Variants in ITIH5 observed in about 807,000 individuals in gnomAD.
ITIH5 encodes inter-alpha-trypsin inhibitor heavy chain H5.
In ITIH5, 65 loss-of-function variants were observed where a neutral mutation model predicts 77.5. The ratio of observed to expected loss-of-function variants is 0.84; its 90% CI spans 0.69 to 1.03. ITIH5 has a LOEUF of 1.03. Among genes scored for constraint, ITIH5 ranks in the 50% least tolerant of loss-of-function variants. The pLI is 0.00. For synonymous variants in ITIH5, 525 were observed against 494.3 expected, an observed-to-expected ratio of 1.06 and a Z score of -0.82; for missense variants, 1,208 against 1,213.1, an observed-to-expected ratio of 1.00 and a Z score of 0.06.
rs953981488 is a variant in ITIH5 at position 7,565,569 on chromosome 10, C to T, written c.2527+461G>A. 1.9e-4 allele frequency among the ~76,000 whole-genome samples: 28 copies of T among 148,136 alleles called. No individual in the cohort carries two copies. In the East Asian group the frequency reaches 2.9e-3, roughly 16 times the overall value. On this transcript the variant is annotated intron_variant, in intron 13 of 13. Coordinates refer to ENST00000397146, the MANE Select transcript of ITIH5 (RefSeq NM_030569.7). ...CTGTGTATACATATATACATACAGACGGTATATATAATACATATATACATG... is the reference window on the plus strand; with the variant it reads ...CTGTGTATACATATATACATACAGATGGTATATATAATACATATATACATG...
chr10:7,603,685 A>T lies in ITIH5; in HGVS notation c.939+12297T>A, dbSNP rs568732398. On this transcript the variant is annotated intron_variant, in intron 7 of 13. Transcript: ENST00000397146. Reference sequence around the variant, plus strand: ...TGCAAGCTCCGCCTCCCGGGTTCACACCATTCTCCTGCCTCAGCCTCCCGA... The same window carrying T: ...TGCAAGCTCCGCCTCCCGGGTTCACTCCATTCTCCTGCCTCAGCCTCCCGA... Among the ~76,000 whole-genome samples, 4 of 152,066 alleles carry T rather than the reference A, an allele frequency of 2.6e-5. No individual in the cohort carries two copies. In the South Asian group the frequency reaches 8.3e-4, roughly 32 times the overall value.
At chr10:7,574,555 A>T (rs61836574) in intron 10 of ITIH5, among the ~76,000 whole-genome samples, 1,663 of 152,282 alleles carry the variant, frequency 0.011, 11 homozygotes, top group Middle Eastern at 0.017. Context: ...GCATTTTGGG[A>T]GGCCCAGGTG....
intron 1 of ITIH5, among the ~76,000 whole-genome samples, chr10:7,662,803 C>T (rs1199401466): frequency 6.6e-6 from 1 of 152,176 alleles, no homozygotes; most frequent in African/African-American, 2.4e-5. Flanking sequence ...CAATCCAGCC[C>T]TGCACATAAG....
chr10:7,637,600 G>T, intron 4 of ITIH5, 122 bp from the exon 5 acceptor site: 1 of 903,958 alleles, frequency 1.1e-6, no homozygotes, highest in Admixed American at 2.4e-5. Context: ...ACCCATGGGT[G>T]TGAGTGTGGG....
At chr10:7,642,154 C>A in intron 2 of ITIH5, 64 bp from the exon 3 acceptor site, 2 of 1,283,538 alleles carry the variant, frequency 1.6e-6, no homozygotes, top group Non-Finnish European at 2.2e-6. Flanking sequence ...GGTAGTGGAA[C>A]ATCTTTTTTT....
At chr10:7,608,071 C>T (rs1833167476) in intron 7 of ITIH5, among the ~76,000 whole-genome samples, 1 of 152,196 alleles carries the variant, frequency 6.6e-6, no homozygotes, top group African/African-American at 2.4e-5. Context: ...CGCTTGCCTT[C>T]TGAGACCCCT....
At chr10:7,577,487 T>C (rs368359725) in intron 9 of ITIH5, among the ~76,000 whole-genome samples, 46 of 152,382 alleles carry the variant, frequency 3.0e-4, no homozygotes, top group African/African-American at 1.1e-3. Context: ...CTTGGTAAAT[T>C]TCCTTTGTGT....
chr10:7,640,543 G>A (rs1182868202), intron 4 of ITIH5, among the ~76,000 whole-genome samples: 1 of 151,524 alleles, frequency 6.6e-6, no homozygotes, highest in African/African-American at 2.4e-5. Context: ...TGTGTGGGAA[G>A]TGAGCATGAG....
At position 7,576,913 on chromosome 10, in the gene ITIH5, G is replaced by C. The variant is rs937744050; in HGVS notation, c.1518C>G (p.Tyr506Ter). ...VQATKTLFPN[Y>*]FNGSEIIIAG... ...CAATGATGATCTCCGAGCCGTTGAA[G>C]TAGTTGGGGAACAGGGTCTTGGTGG... The change falls in exon 10 of 14, where the codon TAC becomes TAG. Residue 506 changes from tyrosine (Y) to a stop codon, truncating the protein, a stop_gained. Transcript: ENST00000397146. LOFTEE classifies it high-confidence loss of function. 2 of 1,614,080 alleles carry C rather than the reference G, an allele frequency of 1.2e-6. No homozygotes were observed. The highest frequency in any genetic ancestry group is 2.7e-5 in the African/African-American group (2 of 74,922).
In ITIH5 at chr10:7,559,956, AT is replaced by A; in HGVS notation, c.*3126del. 2.4e-6 allele frequency: 1 copy of A among 419,928 alleles called. No individual in the cohort carries two copies. The highest frequency in any genetic ancestry group is 1.8e-5 in the South Asian group (1 of 56,920). 26.0% of individuals were successfully genotyped at this position (419,928 alleles called of 1,614,324 possible). On this transcript the variant is annotated 3_prime_UTR_variant, in exon 14 of 14. Coordinates refer to ENST00000397146, the MANE Select transcript of ITIH5 (RefSeq NM_030569.7). ...AAGTTCCGACTGCCTGGTTCAAGCG[AT>A]TCTCCTGCCTCAGCCTCCCAAGTAG...
intron 2 of ITIH5, among the ~76,000 whole-genome samples, chr10:7,643,138 G>C (rs1371234418): frequency 1.3e-5 from 2 of 152,184 alleles, no homozygotes; most frequent in Non-Finnish European, 2.9e-5. Context: ...CACCAAGAAA[G>C]ACCATGTGGG....
At chr10:7,583,025 G>C (rs902345074) in intron 8 of ITIH5, among the ~76,000 whole-genome samples, 1 of 152,142 alleles carries the variant, frequency 6.6e-6, no homozygotes, top group African/African-American at 2.4e-5. Flanking sequence ...AAATGCTTGA[G>C]GTGATGGATA....
chr10:7,644,750 CA>C (rs1402740140), intron 2 of ITIH5, among the ~76,000 whole-genome samples: 1 of 111,330 alleles, frequency 9.0e-6, no homozygotes, highest in Middle Eastern at 5.0e-3. Flanking sequence ...ACATATATAT[CA>C]CATATATCAC....
At position 7,566,329 on chromosome 10, in the gene ITIH5, G is replaced by A; in HGVS notation, c.2228C>T (p.Thr743Ile). 1 of 1,613,740 alleles carries A rather than the reference G, an allele frequency of 6.2e-7. No individual in the cohort carries two copies. Among genetic ancestry groups the A allele is most frequent in the Non-Finnish European group, 8.5e-7 (1 of 1,179,718 alleles). ...TGGCTTGTTGATGAGGATGGTGATA[G>A]TGCGCAAGTAAGTGCGCTGTTTCTT... Reference protein sequence around the residue: ...GHKKQRTYLRTITILINKPER... With the variant: ...GHKKQRTYLRIITILINKPER... The change falls in exon 13 of 14, where the codon ACT becomes ATT. Residue 743 changes from threonine (T) to isoleucine (I), a missense_variant. Transcript: ENST00000397146.
chr10:7,573,247 G>A (rs1832341764), intron 10 of ITIH5, 52 bp from the exon 11 acceptor site: 4 of 1,498,940 alleles, frequency 2.7e-6, no homozygotes, highest in Non-Finnish European at 2.8e-6. Context: ...AGAAGATGAA[G>A]AGAGAGGTGC....
At chr10:7,644,509 TG>T (rs1833946867) in intron 2 of ITIH5, among the ~76,000 whole-genome samples, 2 of 130,898 alleles carry the variant, frequency 1.5e-5, no homozygotes, top group East Asian at 2.0e-4. Flanking sequence ...CACATATATA[TG>T]ATATATATCA....
chr10:7,661,398 G>A (rs1299184293), intron 1 of ITIH5, among the ~76,000 whole-genome samples: 3 of 152,078 alleles, frequency 2.0e-5, no homozygotes, highest in Admixed American at 2.0e-4. Flanking sequence ...AACCCAAACC[G>A]AGAAACTTAA....
Position 7,562,478 on chromosome 10 carries a change from T to C in ITIH5, c.*605A>G, listed in dbSNP as rs932185881. The C allele has an allele frequency of 6.6e-6, 1 of 152,634 alleles. No individual in the cohort carries two copies. The highest frequency in any genetic ancestry group is 1.5e-5 in the Non-Finnish European group (1 of 68,398). 9.5% of individuals were successfully genotyped at this position (152,634 alleles called of 1,614,324 possible). A position where few individuals can be genotyped will look rare whatever the true frequency, so the allele number is the denominator to read the frequency against. ...TGAAAACTAATTTTTAAGGGCAAGA[T>C]ACCACAGCAGAAGAAAAACGTCTTG... On this transcript the variant is annotated 3_prime_UTR_variant, in exon 14 of 14. Transcript: ENST00000397146.
chr10:7,660,336 T>A (rs1311385947), intron 1 of ITIH5, among the ~76,000 whole-genome samples: 1 of 151,558 alleles, frequency 6.6e-6, no homozygotes, highest in Non-Finnish European at 1.5e-5. Flanking sequence ...TGTCTTGGAG[T>A]GGGATGAAAG....
Sources: allele counts gnomAD v4.1 joint callset (sites outside exome capture counted in the v4.1 genomes callset), GRCh38; gene constraint gnomAD v4.1.1; transcripts MANE v1.5; gene names NCBI Gene and HGNC (gene_info 2026-07-23, HGNC 2026-07-21).